Variants in LYZL1 observed in about 807,000 individuals in gnomAD.
LYZL1 encodes the protein lysozyme like 1.
A neutral mutation model predicts 17.9 loss-of-function variants in LYZL1; 16 were observed. The observed-to-expected ratio is 0.90, with a 90% confidence interval of 0.61 to 1.36. The LOEUF is 1.36. LYZL1 is among the 40% of genes most tolerant of loss of function. The probability of loss-of-function intolerance (pLI) is 0.00; values close to 1 mark genes in which losing one functional copy is unlikely to be tolerated. For missense variants in LYZL1, 149 were observed against 188.4 expected, an observed-to-expected ratio of 0.79 and a Z score of 1.22; for synonymous variants, 58 against 71.8, an observed-to-expected ratio of 0.81 and a Z score of 0.97.
intron 3 of LYZL1, 85 bp downstream of exon 3, chr10:29,292,762 AC>A: frequency 6.5e-7 from 1 of 1,530,510 alleles, no homozygotes; most frequent in Non-Finnish European, 8.8e-7. Flanking sequence ...TCTTGCTTTA[AC>A]TAAAATTTGG....
At chr10:29,315,148 CT>C (rs1173772384), downstream of LYZL1, among the ~76,000 whole-genome samples, 5 of 152,226 alleles carry the variant, frequency 3.3e-5, no homozygotes, top group African/African-American at 9.6e-5. Flanking sequence ...CTCTGGATGT[CT>C]AAAACTGGAA....
intron 3 of LYZL1, among the ~76,000 whole-genome samples, chr10:29,295,778 G>C (rs528606305): frequency 6.6e-5 from 10 of 152,186 alleles, no homozygotes; most frequent in Non-Finnish European, 1.5e-4. Context: ...AAGTGTGAGA[G>C]GGACTTCACC....
downstream of LYZL1, among the ~76,000 whole-genome samples, chr10:29,315,563 G>C (rs985951526): frequency 2.6e-5 from 4 of 151,566 alleles, no homozygotes; most frequent in African/African-American, 9.7e-5. Context: ...AAAATAAAAA[G>C]TTTAAGGGCT....
At position 29,292,512 on chromosome 10, in the gene LYZL1, C is replaced by T. The variant is rs556564488; in HGVS notation, c.140-7C>T. ...TTTGCTGGCGTTTCTGGCTTTCCCC[C>T]CTCCAGGGATCTGCATGGCATATTA... On this transcript the variant is annotated splice_region_variant and splice_polypyrimidine_tract_variant and intron_variant, in intron 2 of 4. Transcript: ENST00000649382. The T allele has an allele frequency of 2.5e-6, 4 of 1,611,540 alleles. No homozygotes were observed. Among genetic ancestry groups the T allele is most frequent in the Admixed American group, 3.4e-5 (2 of 59,348 alleles).
At chr10:29,297,460 T>C (rs182906021) in intron 3 of LYZL1, among the ~76,000 whole-genome samples, 3 of 152,320 alleles carry the variant, frequency 2.0e-5, no homozygotes, top group Admixed American at 2.0e-4. Flanking sequence ...CTCATGGTCA[T>C]TGTGTGACTC....
At chr10:29,310,809 G>GA (rs1434858624) in intron 4 of LYZL1, among the ~76,000 whole-genome samples, 181 bp from the exon 5 acceptor site, 3 of 152,216 alleles carry the variant, frequency 2.0e-5, no homozygotes, top group Non-Finnish European at 4.4e-5. Context: ...ATGGCTAGGA[G>GA]AAAACCAGGA....
intron 3 of LYZL1, 133 bp from the exon 4 acceptor site, chr10:29,309,977 C>G: frequency 1.6e-6 from 1 of 617,494 alleles, no homozygotes; most frequent in Non-Finnish European, 2.8e-6. Context: ...AAGATTGTGG[C>G]TTTGCAGGCA....
intron 3 of LYZL1, among the ~76,000 whole-genome samples, chr10:29,292,992 G>A (rs1311200134): frequency 6.6e-6 from 1 of 152,158 alleles, no homozygotes; most frequent in African/African-American, 2.4e-5. Flanking sequence ...GAAGCTGCCT[G>A]CCAGCTGCTT....
At chr10:29,313,239 A>G (rs1247968105), downstream of LYZL1, among the ~76,000 whole-genome samples, 3 of 152,276 alleles carry the variant, frequency 2.0e-5, no homozygotes, top group Non-Finnish European at 4.4e-5. Context: ...GTAATTTTAT[A>G]AGATAGCTGA....
At position 29,306,565 on chromosome 10, in the gene LYZL1, A is replaced by G. The variant is rs1228633082; in HGVS notation, c.299-3545A>G. 3.4e-5 allele frequency among the ~76,000 whole-genome samples: 5 copies of G among 149,084 alleles called. 1 individual carries two copies. The highest frequency in any genetic ancestry group is 9.9e-5 in the African/African-American group (4 of 40,372). ...ACTCCGTCTCAAAAAAAAAAAAAAAAAAAAAAAAAAGAAAAAATAAGGAAC... is the reference window on the plus strand; with the variant it reads ...ACTCCGTCTCAAAAAAAAAAAAAAAGAAAAAAAAAAGAAAAAATAAGGAAC... On this transcript the variant is annotated intron_variant, in intron 3 of 4. Transcript: ENST00000649382.
intron 3 of LYZL1, among the ~76,000 whole-genome samples, chr10:29,306,443 G>A (rs1220023644): frequency 7.0e-6 from 1 of 142,578 alleles, no homozygotes; most frequent in Non-Finnish European, 1.5e-5. Context: ...CCAGCTACTC[G>A]GGAGGCTGAG....
chr10:29,295,145 T>G (rs1021394380), intron 3 of LYZL1, among the ~76,000 whole-genome samples: 5 of 152,174 alleles, frequency 3.3e-5, no homozygotes, highest in Non-Finnish European at 5.9e-5. Flanking sequence ...ACCCTAACAT[T>G]GATAAAGAAT....
At chr10:29,307,905 T>C (rs1351712450) in intron 3 of LYZL1, among the ~76,000 whole-genome samples, 1 of 152,220 alleles carries the variant, frequency 6.6e-6, no homozygotes, top group Non-Finnish European at 1.5e-5. Flanking sequence ...TGCTGCTATG[T>C]TGGTTTCCTA....
At chr10:29,290,127 T>C (rs1021039705) in intron 1 of LYZL1, among the ~76,000 whole-genome samples, 1 of 152,144 alleles carries the variant, frequency 6.6e-6, no homozygotes, top group African/African-American at 2.4e-5. Flanking sequence ...AATGCAGGAA[T>C]CCAGCCCCAG....
At chr10:29,317,936 C>A (rs1208990268) in intron 4 of LYZL1, among the ~76,000 whole-genome samples, 2 of 145,832 alleles carry the variant, frequency 1.4e-5, no homozygotes, top group Non-Finnish European at 3.0e-5. Flanking sequence ...AGAGTGAGAC[C>A]CTGTCTCTTT....
Position 29,311,183 on chromosome 10 carries a change from T to A in LYZL1, c.*124T>A. 6.3e-7 allele frequency: 1 copy of A among 1,597,922 alleles called. No individual in the cohort carries two copies. The highest frequency in any genetic ancestry group is 1.1e-5 in the South Asian group (1 of 88,906). ...CTTCTCAAACTTGGAGAGGGAAAAT[T>A]AAGCTATACTTTTAAGAAAATAAAT... On this transcript the variant is annotated 3_prime_UTR_variant, in exon 5 of 5. Transcript: ENST00000649382.
At chr10:29,293,865 T>C (rs1370969430) in intron 3 of LYZL1, among the ~76,000 whole-genome samples, 3 of 151,590 alleles carry the variant, frequency 2.0e-5, no homozygotes, top group African/African-American at 7.3e-5. Flanking sequence ...TCCCAGCTAC[T>C]CGGGAGGCTG....
intron 3 of LYZL1, among the ~76,000 whole-genome samples, chr10:29,306,595 G>C (rs1212181971): frequency 7.0e-6 from 1 of 142,042 alleles, no homozygotes; most frequent in Non-Finnish European, 1.5e-5. Context: ...AGGAACTAAA[G>C]TTTTAATTAT....
At chr10:29,315,581 A>G (rs1486430056), downstream of LYZL1, among the ~76,000 whole-genome samples, 1 of 152,086 alleles carries the variant, frequency 6.6e-6, no homozygotes, top group Non-Finnish European at 1.5e-5. Flanking sequence ...GCTCGGGTGC[A>G]GTGGCTCATG....
Sources: gnomAD v4.1 joint callset for allele counts (sites outside exome capture counted in the v4.1 genomes callset) on GRCh38, gnomAD v4.1.1 for gene constraint, MANE v1.5 for transcripts, NCBI Gene and HGNC (gene_info 2026-07-23, HGNC 2026-07-21) for gene names.